Variants in ROBO1 observed in about 807,000 individuals in gnomAD.
ROBO1 encodes the protein roundabout homolog 1.
Under a neutral mutation model 195.9 loss-of-function variants are expected in ROBO1, and 149 were observed. The ratio of observed to expected loss-of-function variants is 0.76; its 90% confidence interval spans 0.67 to 0.87. ROBO1 has a LOEUF of 0.87. ROBO1 is among the 40% of genes least tolerant of loss of function. ROBO1 has a pLI of 0.00. For missense variants in ROBO1, 1,933 were observed against 2,068.3 expected, an observed-to-expected ratio of 0.93 and a Z score of 1.27; for synonymous variants, 816 against 733.2, an observed-to-expected ratio of 1.11 and a Z score of -1.82.
intron 2 of ROBO1, among the ~76,000 whole-genome samples, chr3:79,270,944 T>G (rs2030496865): frequency 6.6e-6 from 1 of 151,960 alleles, no homozygotes; most frequent in Admixed American, 6.6e-5. Flanking sequence ...AGCAAAGAGC[T>G]ACTTTTTTTA....
At chr3:79,294,958 G>A (rs2032497403) in intron 2 of ROBO1, among the ~76,000 whole-genome samples, 1 of 152,166 alleles carries the variant, frequency 6.6e-6, no homozygotes, top group South Asian at 2.1e-4. Context: ...ACAGATGCTG[G>A]AGAGGATGTG....
chr3:79,384,752 A>G (rs1015151093), intron 2 of ROBO1, among the ~76,000 whole-genome samples: 1 of 152,052 alleles, frequency 6.6e-6, no homozygotes, highest in Non-Finnish European at 1.5e-5. Flanking sequence ...ACACATAAGC[A>G]CACACACGTT....
intron 2 of ROBO1, among the ~76,000 whole-genome samples, chr3:79,585,810 G>A (rs1017036144): frequency 6.6e-6 from 1 of 151,910 alleles, no homozygotes; most frequent in Non-Finnish European, 1.5e-5. Flanking sequence ...CATCTCAGGT[G>A]CTTCTGAATG....
chr3:79,192,076 G>A (rs546626429), intron 2 of ROBO1, among the ~76,000 whole-genome samples: 1 of 151,678 alleles, frequency 6.6e-6, no homozygotes, highest in Non-Finnish European at 1.5e-5. Flanking sequence ...TAGGTTAATA[G>A]ATTGGTAGTA....
chr3:79,106,357 T>C (rs2079780006), intron 3 of ROBO1, among the ~76,000 whole-genome samples: 2 of 151,536 alleles, frequency 1.3e-5, no homozygotes, highest in Admixed American at 6.6e-5. Context: ...TTCTCCGGGG[T>C]TCATTAAATT....
intron 2 of ROBO1, among the ~76,000 whole-genome samples, chr3:79,508,333 T>C (rs1387147577): frequency 1.3e-5 from 2 of 152,056 alleles, no homozygotes; most frequent in African/African-American, 2.4e-5. Context: ...TGGAAGAAGA[T>C]AGCTATCTAC....
At chr3:79,699,455 G>T (rs1011163358) in intron 1 of ROBO1, among the ~76,000 whole-genome samples, 25 of 151,454 alleles carry the variant, frequency 1.7e-4, no homozygotes, top group African/African-American at 5.3e-4. Context: ...AAATCAAATT[G>T]ATAAATTGAC....
rs536987653 is a variant in ROBO1, at chr3:79,347,872, G to T, written c.89-222333C>A. Among the ~76,000 whole-genome samples, 8 of 152,296 alleles carry T rather than the reference G, an allele frequency of 5.3e-5. No homozygotes were observed. In the South Asian group the frequency reaches 1.7e-3, roughly 32 times the overall value. On this transcript the variant is annotated intron_variant, in intron 2 of 30. Transcript: ENST00000464233. The stretch of plus-strand genomic sequence containing the variant: ...CTCATTTTGAACAAAGGCACTGAAT[G>T]AATCATGAGCCTTAATACCAAATGT...
chr3:79,228,918 A>T (rs2082272568), intron 2 of ROBO1, among the ~76,000 whole-genome samples: 1 of 152,172 alleles, frequency 6.6e-6, no homozygotes, highest in Non-Finnish European at 1.5e-5. Flanking sequence ...TTAGATATTC[A>T]TCACAGTGAA....
intron 26 of ROBO1, among the ~76,000 whole-genome samples, chr3:78,625,661 T>G (rs766197289): frequency 2.0e-5 from 3 of 152,170 alleles, no homozygotes; most frequent in African/African-American, 7.2e-5. Flanking sequence ...TTCAGATGCT[T>G]TACACACATT....
intron 1 of ROBO1, among the ~76,000 whole-genome samples, chr3:79,711,641 T>G (rs1370227603): frequency 6.6e-6 from 1 of 151,856 alleles, no homozygotes; most frequent in Admixed American, 6.6e-5. Context: ...CTAATGTTAC[T>G]GTTAAAACAC....
chr3:79,653,766 C>T (rs9871374), intron 1 of ROBO1, among the ~76,000 whole-genome samples: 87,954 of 151,658 alleles, frequency 0.58, 25,802 homozygotes, highest in South Asian at 0.67. Flanking sequence ...CACACACTGT[C>T]ATATTATTTT....
intron 3 of ROBO1, among the ~76,000 whole-genome samples, chr3:79,071,887 A>T (rs1393982970): frequency 6.6e-6 from 1 of 151,774 alleles, no homozygotes; most frequent in Non-Finnish European, 1.5e-5. Flanking sequence ...TAAATAATTA[A>T]ATCTACTGTA....
chr3:79,760,313 T>C (rs2107517856), intron 1 of ROBO1, among the ~76,000 whole-genome samples: 1 of 141,838 alleles, frequency 7.1e-6, no homozygotes, highest in East Asian at 2.0e-4. Flanking sequence ...AGAAGTATTT[T>C]ATGACTTCAC....
intron 2 of ROBO1, among the ~76,000 whole-genome samples, chr3:79,445,640 G>A (rs1372818686): frequency 6.6e-6 from 1 of 151,054 alleles, no homozygotes; most frequent in Non-Finnish European, 1.5e-5. Flanking sequence ...GGGACTGCAG[G>A]TGCACACCAT....
intron 10 of ROBO1, among the ~76,000 whole-genome samples, chr3:78,678,106 A>AAGAT (rs1425888164): frequency 2.0e-5 from 3 of 152,172 alleles, no homozygotes; most frequent in African/African-American, 7.2e-5. Context: ...GGCAGACATA[A>AAGAT]AGATGTTCTT....
intron 2 of ROBO1, among the ~76,000 whole-genome samples, chr3:79,524,291 T>C (rs887002640): frequency 2.6e-5 from 4 of 151,966 alleles, no homozygotes; most frequent in Non-Finnish European, 4.4e-5. Context: ...AATTTTAAAA[T>C]TCCATTTAGA....
At chr3:79,729,918 T>G (rs1703075652) in intron 1 of ROBO1, among the ~76,000 whole-genome samples, 1 of 152,202 alleles carries the variant, frequency 6.6e-6, no homozygotes, top group Admixed American at 6.5e-5. Flanking sequence ...CCCAGAAACA[T>G]ATTTTATGGC....
chr3:79,688,835 G>T (rs1388917621), intron 1 of ROBO1, among the ~76,000 whole-genome samples: 1 of 151,880 alleles, frequency 6.6e-6, no homozygotes, highest in Non-Finnish European at 1.5e-5. Flanking sequence ...TTTTGCATTT[G>T]ATTTTGGTAC....
Sources: allele counts gnomAD v4.1 joint callset (sites outside exome capture counted in the v4.1 genomes callset), GRCh38; gene constraint gnomAD v4.1.1; transcripts MANE v1.5; gene names NCBI Gene and HGNC (gene_info 2026-07-23, HGNC 2026-07-21).